Variants in RANBP17 observed in about 807,000 individuals in gnomAD.
RANBP17 encodes RAN binding protein 17.
A neutral mutation model predicts 141.2 loss-of-function variants in RANBP17; 158 were observed. The ratio of observed to expected loss-of-function variants is 1.12; its 90% CI spans 0.98 to 1.28. The LOEUF (loss-of-function observed/expected upper bound fraction) is 1.28. Ranked by LOEUF, RANBP17 falls within the 50% of genes most tolerant of loss-of-function variation. The pLI is 0.00. For missense variants in RANBP17, 1,438 were observed against 1,290.7 expected (o/e 1.11, Z -1.75); for synonymous variants, 430 against 450.0 (o/e 0.96, Z 0.56).
chr5:171,121,376 G>A (rs998927405), intron 14 of RANBP17, among the ~76,000 whole-genome samples: 2 of 152,226 alleles, frequency 1.3e-5, no homozygotes, highest in Non-Finnish European at 2.9e-5. Flanking sequence ...TGCCAGACAG[G>A]GTTGTATCTT....
intron 14 of RANBP17, among the ~76,000 whole-genome samples, chr5:171,035,886 GTTTTC>G (rs1331805299): frequency 2.6e-5 from 4 of 151,516 alleles, no homozygotes; most frequent in African/African-American, 4.8e-5. Flanking sequence ...TACCCAGTAG[GTTTTC>G]TTTTCTTTCT....
chr5:171,088,970 G>A (rs369598588), intron 14 of RANBP17, among the ~76,000 whole-genome samples: 30 of 151,806 alleles, frequency 2.0e-4, no homozygotes, highest in East Asian at 9.7e-4. Flanking sequence ...GCTCGTCAAA[G>A]TCATTCTCCA....
intron 14 of RANBP17, among the ~76,000 whole-genome samples, chr5:170,973,271 C>T (rs1777119352): frequency 6.6e-6 from 1 of 152,116 alleles, no homozygotes; most frequent in Admixed American, 6.6e-5. Context: ...ATACATACTG[C>T]TGGGATTTTT....
intron 14 of RANBP17, among the ~76,000 whole-genome samples, chr5:170,982,017 C>T (rs1390856820): frequency 2.0e-5 from 3 of 152,278 alleles, no homozygotes; most frequent in Non-Finnish European, 4.4e-5. Flanking sequence ...CTCCGAAATT[C>T]TTGCAAGAGA....
chr5:171,080,812 A>G (rs1785220866), intron 14 of RANBP17, among the ~76,000 whole-genome samples: 1 of 152,178 alleles, frequency 6.6e-6, no homozygotes, highest in African/African-American at 2.4e-5. Flanking sequence ...CATCATTATT[A>G]TAAGAAAGAA....
intron 19 of RANBP17, among the ~76,000 whole-genome samples, chr5:171,203,889 C>G (rs1229331280): frequency 6.6e-6 from 1 of 152,008 alleles, no homozygotes; most frequent in Non-Finnish European, 1.5e-5. Flanking sequence ...GAACAAAAAG[C>G]CTACTTTAAT....
At chr5:170,911,852 G>A (rs1297988872) in intron 7 of RANBP17, among the ~76,000 whole-genome samples, 2 of 151,828 alleles carry the variant, frequency 1.3e-5, no homozygotes, top group Non-Finnish European at 2.9e-5. Flanking sequence ...CAGAAAAATG[G>A]TGGCACCTAA....
intron 5 of RANBP17, among the ~76,000 whole-genome samples, chr5:170,905,399 C>T (rs564785338): frequency 6.6e-6 from 1 of 152,240 alleles, no homozygotes; most frequent in African/African-American, 2.4e-5. Context: ...CTTGCATACC[C>T]AGGATCACTT....
intron 14 of RANBP17, among the ~76,000 whole-genome samples, chr5:171,031,059 T>C (rs1010023328): frequency 8.5e-5 from 13 of 152,072 alleles, no homozygotes; most frequent in African/African-American, 3.1e-4. Flanking sequence ...TTACAACATC[T>C]GTTTCAATAT....
chr5:171,199,694 A>C lies in RANBP17; in HGVS notation c.2063A>C (p.Asn688Thr), dbSNP rs748423749. ...GGTGAAGATGAGGATGAATTTGAGA[A>C]TTTCATGCTGCCTCTTACAGTTGCT... is the stretch of plus-strand genomic sequence containing the variant. ...DLGEDEDEFE[N>T]FMLPLTVAFE... is the part of the protein sequence containing the mutation. Residue 688 changes from asparagine (N) to threonine (T), a missense_variant, in exon 19 of 28, where the codon AAT (asparagine) becomes ACT (threonine). Transcript: ENST00000523189. The C allele has an allele frequency of 2.5e-6, 4 of 1,610,206 alleles. No homozygotes were observed. Among genetic ancestry groups the C allele is most frequent in the African/African-American group, 1.3e-5 (1 of 74,956 alleles).
chr5:171,229,042 T>A (rs1017566423), intron 22 of RANBP17, among the ~76,000 whole-genome samples: 3 of 152,208 alleles, frequency 2.0e-5, no homozygotes, highest in Admixed American at 6.5e-5. Context: ...TAAATGATAC[T>A]TATGTATAAA....
At chr5:171,099,263 A>AT (rs949854978) in intron 14 of RANBP17, among the ~76,000 whole-genome samples, 3 of 151,954 alleles carry the variant, frequency 2.0e-5, no homozygotes, top group African/African-American at 7.3e-5. Flanking sequence ...ATGTTTTTCC[A>AT]TTTTTTTGTG....
At chr5:170,979,661 T>C (rs1170277179) in intron 14 of RANBP17, among the ~76,000 whole-genome samples, 1 of 152,208 alleles carries the variant, frequency 6.6e-6, no homozygotes, top group African/African-American at 2.4e-5. Flanking sequence ...CCTGCTGCCA[T>C]CCATGTAAGA....
At chr5:171,089,623 T>C (rs899875580) in intron 14 of RANBP17, among the ~76,000 whole-genome samples, 2 of 152,062 alleles carry the variant, frequency 1.3e-5, no homozygotes, top group Non-Finnish European at 2.9e-5. Flanking sequence ...TCCGTGGGCG[T>C]AGGACCCTCC....
At chr5:170,888,732 T>C (rs1443608671) in intron 3 of RANBP17, among the ~76,000 whole-genome samples, 1 of 152,286 alleles carries the variant, frequency 6.6e-6, no homozygotes, top group African/African-American at 2.4e-5. Flanking sequence ...TACAGTATTA[T>C]GTTGCAAAGC....
At chr5:171,058,024 A>G (rs1169881778) in intron 14 of RANBP17, among the ~76,000 whole-genome samples, 1 of 152,136 alleles carries the variant, frequency 6.6e-6, no homozygotes, top group Non-Finnish European at 1.5e-5. Flanking sequence ...AGGGATTTCT[A>G]GCTTGAGATT....
At position 171,241,099 on chromosome 5, in the gene RANBP17, C is replaced by G. The variant is rs746063819; in HGVS notation, c.2594C>G (p.Ala865Gly). ...AACCATTTTGACAATGTACTCCAGGCTTTTGTCAAAATGCTGCTGTCAGTG... is the reference window on the plus strand; with the variant it reads ...AACCATTTTGACAATGTACTCCAGGGTTTTGTCAAAATGCTGCTGTCAGTG... Reference protein sequence around the residue: ...GDNHFDNVLQAFVKMLLSVSH... With the variant: ...GDNHFDNVLQGFVKMLLSVSH... Residue 865 changes from alanine to glycine, a missense_variant, in exon 23 of 28, where the codon GCT (alanine) becomes GGT (glycine). Transcript: ENST00000523189. 1 of 1,613,742 alleles carries G rather than the reference C, an allele frequency of 6.2e-7. No individual in the cohort carries two copies. Among genetic ancestry groups the G allele is most frequent in the East Asian group, 2.2e-5 (1 of 44,860 alleles).
chr5:171,201,729 A>G (rs1762306535), intron 19 of RANBP17, among the ~76,000 whole-genome samples: 1 of 152,220 alleles, frequency 6.6e-6, no homozygotes, highest in African/African-American at 2.4e-5. Flanking sequence ...TTGGTGCTTT[A>G]AGCTACCGAT....
chr5:170,893,705 A>G (rs1207832204), intron 4 of RANBP17, among the ~76,000 whole-genome samples: 1 of 151,998 alleles, frequency 6.6e-6, no homozygotes, highest in Non-Finnish European at 1.5e-5. Flanking sequence ...AGGCAGGAGA[A>G]TGGCGTGAAC....
Sources: gnomAD v4.1 joint callset for allele counts (sites outside exome capture counted in the v4.1 genomes callset) on GRCh38, gnomAD v4.1.1 for gene constraint, MANE v1.5 for transcripts, NCBI Gene and HGNC (gene_info 2026-07-23, HGNC 2026-07-21) for gene names.